Variants in ZFAT observed in about 807,000 individuals in gnomAD.
ZFAT encodes the protein zinc finger protein ZFAT.
Under a neutral mutation model 117.7 loss-of-function variants are expected in ZFAT, and 64 were observed. That is an observed-to-expected ratio of 0.54 (90% CI 0.44 to 0.67). The LOEUF (loss-of-function observed/expected upper bound fraction) is 0.67, where lower values mean the gene tolerates loss of function less well. Ranked by LOEUF, ZFAT falls within the 30% of genes least tolerant of loss-of-function variation. ZFAT has a pLI of 0.00. For synonymous variants in ZFAT, 679 were observed against 615.0 expected, an observed-to-expected ratio of 1.10 and a Z score of -1.54; for missense variants, 1,433 against 1,584.5, an observed-to-expected ratio of 0.90 and a Z score of 1.62.
chr8:134,828,460 T>G, the ZFAT span, among the ~76,000 whole-genome samples: 1 of 152,232 alleles, frequency 6.6e-6, no homozygotes. Context: ...TGCTTAGCTC[T>G]TATCCTTCAA....
chr8:134,528,540 C>T (rs1821178695), intron 12 of ZFAT, among the ~76,000 whole-genome samples: 1 of 152,242 alleles, frequency 6.6e-6, no homozygotes. Context: ...CCAAGGTACA[C>T]ATGCATACAT....
intron 15 of ZFAT, among the ~76,000 whole-genome samples, chr8:134,491,270 G>A (rs576389379): frequency 5.3e-5 from 8 of 152,278 alleles, no homozygotes; most frequent in South Asian, 2.1e-4. Context: ...AAAGCCCTCC[G>A]GCATCAGCGA....
Position 134,685,665 on chromosome 8 carries a change from G to C in ZFAT, c.19+27180C>G, listed in dbSNP as rs565749601. ...GGGAACAGCAGACCACCAGGTAAGA[G>C]GCAGACAGTCTTTTAGCAAAACAAC... On this transcript the variant is annotated intron_variant, in intron 1 of 15. Coordinates refer to ENST00000377838, the MANE Select transcript of ZFAT (RefSeq NM_020863.4). 1.5e-4 allele frequency among the ~76,000 whole-genome samples: 23 copies of C among 152,232 alleles called. No homozygotes were observed. In the South Asian group the frequency reaches 4.8e-3, roughly 32 times the overall value.
the ZFAT span, among the ~76,000 whole-genome samples, chr8:134,769,268 G>A: frequency 1.3e-5 from 2 of 152,298 alleles, no homozygotes; most frequent in East Asian, 3.9e-4. Flanking sequence ...TGAAAATCAA[G>A]TTAGTTACTT....
the ZFAT span, among the ~76,000 whole-genome samples, chr8:134,775,349 T>C: frequency 6.6e-6 from 1 of 152,364 alleles, no homozygotes; most frequent in East Asian, 1.9e-4. Flanking sequence ...TGTTTGCTTC[T>C]GCTAGACACC....
upstream of ZFAT, chr8:134,713,110 C>G (rs1373855083): frequency 2.5e-6 from 1 of 400,686 alleles, no homozygotes; most frequent in East Asian, 3.8e-5. Context: ...CCCCCGGCGC[C>G]GAGCGCGGCC....
the ZFAT span, among the ~76,000 whole-genome samples, chr8:134,818,647 A>G: frequency 2.0e-5 from 3 of 152,238 alleles, no homozygotes; most frequent in South Asian, 6.2e-4. Context: ...ATGTACATAC[A>G]TATTCATAGA....
the ZFAT span, among the ~76,000 whole-genome samples, chr8:134,757,752 T>C: frequency 1.3e-5 from 2 of 152,210 alleles, no homozygotes; most frequent in African/African-American, 4.8e-5. Context: ...CTGGGGTGAA[T>C]TGTAGCAGAT....
chr8:134,528,373 A>C (rs1304316319), intron 12 of ZFAT, among the ~76,000 whole-genome samples: 1 of 152,254 alleles, frequency 6.6e-6, no homozygotes, highest in East Asian at 1.9e-4. Flanking sequence ...AGCATGTGCC[A>C]AGAACTTATT....
intron 15 of ZFAT, among the ~76,000 whole-genome samples, chr8:134,492,962 G>A (rs1274307209): frequency 6.6e-6 from 1 of 152,198 alleles, no homozygotes; most frequent in African/African-American, 2.4e-5. Context: ...AGGAAAGAAT[G>A]CACAGGAAGT....
rs1161762402 is a variant in ZFAT, at chr8:134,622,685, T to C, written c.449-12030A>G. On this transcript the variant is annotated intron_variant, in intron 3 of 15. Coordinates refer to ENST00000377838, the MANE Select transcript of ZFAT (RefSeq NM_020863.4). ...AGGCTGACCAGTAAGGACCACACAA[T>C]GGGCCCTACTGCTCTCTGGCTTCCA... is the stretch of plus-strand genomic sequence containing the variant. Among the ~76,000 whole-genome samples the C allele has an allele frequency of 2.0e-5, 3 of 152,084 alleles. No individual in the cohort carries two copies. In the South Asian group the frequency reaches 6.2e-4, roughly 32 times the overall value.
chr8:134,755,737 G>A, the ZFAT span, among the ~76,000 whole-genome samples: 3 of 150,178 alleles, frequency 2.0e-5, no homozygotes, highest in East Asian at 3.9e-4. Flanking sequence ...ACTTGAACCC[G>A]GGAGGCAGAG....
chr8:134,676,240 C>A (rs1832792770), intron 1 of ZFAT, among the ~76,000 whole-genome samples: 3 of 104,120 alleles, frequency 2.9e-5, no homozygotes, highest in South Asian at 3.6e-4. Flanking sequence ...GAAGATCTAC[C>A]AAGCAAATGG....
intron 2 of ZFAT, among the ~76,000 whole-genome samples, chr8:134,641,136 G>A (rs1466858380): frequency 6.6e-6 from 1 of 151,972 alleles, no homozygotes; most frequent in African/African-American, 2.4e-5. Context: ...CCTCACTCTA[G>A]AACCTTCCAT....
chr8:134,533,785 G>A (rs1821609456), intron 11 of ZFAT, among the ~76,000 whole-genome samples: 1 of 152,210 alleles, frequency 6.6e-6, no homozygotes. Flanking sequence ...AAATAGTGGG[G>A]CTGGGGAAAG....
intron 14 of ZFAT, chr8:134,510,152 T>G: frequency 2.2e-6 from 1 of 457,422 alleles, no homozygotes; most frequent in Non-Finnish European, 4.4e-6. Flanking sequence ...GCAGACTCAA[T>G]GAAAGTGTGT....
chr8:134,816,283 A>C, the ZFAT span, among the ~76,000 whole-genome samples: 1 of 152,198 alleles, frequency 6.6e-6, no homozygotes. Context: ...CTTCTCTCCC[A>C]AACTTCCTAT....
At chr8:134,669,515 G>A (rs1437475141) in intron 1 of ZFAT, among the ~76,000 whole-genome samples, 1 of 152,198 alleles carries the variant, frequency 6.6e-6, no homozygotes, top group African/African-American at 2.4e-5. Context: ...CTTCATAAGT[G>A]AAGGAGAAAT....
intron 11 of ZFAT, among the ~76,000 whole-genome samples, chr8:134,538,260 G>C (rs1821983124): frequency 6.6e-6 from 1 of 152,136 alleles, no homozygotes; most frequent in South Asian, 2.1e-4. Flanking sequence ...GAGGAATAAG[G>C]TCCTCCAGGT....
Sources: allele counts gnomAD v4.1 joint callset (sites outside exome capture counted in the v4.1 genomes callset), GRCh38; gene constraint gnomAD v4.1.1; transcripts MANE v1.5; gene names NCBI Gene and HGNC (gene_info 2026-07-23, HGNC 2026-07-21).